Variants in POGZ observed in about 807,000 individuals in gnomAD.
The protein encoded by POGZ is pogo transposable element derived with ZNF domain, also known as pogo transposable element with ZNF domain.
POGZ carries 17 observed loss-of-function variants against 134.6 expected under a neutral mutation model. That is an observed-to-expected ratio of 0.13 (90% CI 0.09 to 0.19). POGZ has a LOEUF of 0.19. POGZ is among the 10% of genes least tolerant of loss of function. The pLI is 1.00. For missense variants in POGZ, 1,306 were observed against 1,769.7 expected (o/e 0.74, Z 4.70); for synonymous variants, 693 against 657.1 (o/e 1.05, Z -0.84).
At position 151,423,520 on chromosome 1, in the gene POGZ, G is replaced by C. The variant is rs1416833861; in HGVS notation, c.1555C>G (p.Leu519Val). ...FMNHMKHHVE[L>V]DQQNGEVDGH... ...TCTACCTCACCGTTCTGCTGATCGA[G>C]TTCTACGTGGTGTTTCATATGGTTC... The change falls in exon 10 of 19, where the codon CTC becomes GTC. Residue 519 changes from leucine (L) to valine (V), a missense_variant. Physicochemically the swap from Leu to Val is conservative, Grantham distance 32 (BLOSUM62 1). Around this residue, in one of 10 missense-constraint regions of POGZ, gnomAD observed 541 missense variants for 680.5 expected, o/e 0.80. Transcript: ENST00000271715. 1 of 1,613,748 alleles carries C rather than the reference G, an allele frequency of 6.2e-7. No homozygotes were observed. Among genetic ancestry groups the C allele is most frequent in the Non-Finnish European group, 8.5e-7 (1 of 1,179,680 alleles).
At chr1:151,407,123 T>G (rs960389755) in intron 16 of POGZ, 100 bp from the exon 17 acceptor site, 4 of 1,205,930 alleles carry the variant, frequency 3.3e-6, no homozygotes, top group East Asian at 4.8e-5. Context: ...CCCTCCCACT[T>G]TCTCCTTTTT....
chr1:151,457,048 G>A (rs1325980301), intron 1 of POGZ, among the ~76,000 whole-genome samples: 1 of 152,164 alleles, frequency 6.6e-6, no homozygotes, highest in Admixed American at 6.5e-5. Flanking sequence ...CTATTATTTT[G>A]AAAATAGTTA....
chr1:151,423,333 A>G (rs989034851), intron 10 of POGZ, 64 bp downstream of exon 10: 7 of 1,337,678 alleles, frequency 5.2e-6, no homozygotes, highest in Admixed American at 5.2e-5. Flanking sequence ...GGCTCCCCCC[A>G]GCGCCATTCA....
intron 10 of POGZ, among the ~76,000 whole-genome samples, chr1:151,413,748 T>C (rs902698872): frequency 6.6e-6 from 1 of 152,126 alleles, no homozygotes; most frequent in Non-Finnish European, 1.5e-5. Context: ...GGCTCAATCA[T>C]GGCTCACTGC....
chr1:151,442,016 G>A (rs913600289), intron 2 of POGZ, 65 bp downstream of exon 2: 13 of 1,256,918 alleles, frequency 1.0e-5, no homozygotes, highest in Admixed American at 9.6e-5. Flanking sequence ...CTCACACTTT[G>A]TTAACCAAAA....
At chr1:151,407,063 A>G in intron 16 of POGZ, 40 bp from the exon 17 acceptor site, 1 of 1,493,044 alleles carries the variant, frequency 6.7e-7, no homozygotes, top group African/African-American at 1.4e-5. Context: ...CAAACACAGC[A>G]GTGACACTTG....
rs199870784 is a variant in POGZ, at chr1:151,441,057, G to A, written c.154C>T (p.Pro52Ser). Residue 52 changes from proline to serine, a missense_variant, in exon 3 of 19, where the codon CCA becomes TCA. Physicochemically the swap from Pro to Ser is moderately conservative, Grantham distance 74 (BLOSUM62 -1). Around this residue, in one of 10 missense-constraint regions of POGZ, gnomAD observed 541 missense variants for 680.5 expected, o/e 0.80. Coordinates refer to ENST00000271715, the MANE Select transcript of POGZ (RefSeq NM_015100.4). ...GAAGCATGGGCAGCGATGGGCACTG[G>A]AGCCGAGACTGGCTGCTGGCTCACA... The part of the protein sequence containing the change: ...VSVSQQPVSA[P>S]VPIAAHASVA... 2 of 1,614,068 alleles carry A rather than the reference G, an allele frequency of 1.2e-6. No homozygotes were observed. The highest frequency in any genetic ancestry group is 2.2e-5 in the East Asian group (1 of 44,880).
chr1:151,436,123 G>C (rs1255829008), intron 3 of POGZ, among the ~76,000 whole-genome samples: 1 of 151,334 alleles, frequency 6.6e-6, no homozygotes, highest in African/African-American at 2.4e-5. Flanking sequence ...TGCCCGGCTA[G>C]TTTTTTATAT....
chr1:151,418,059 C>A (rs1294902708), intron 10 of POGZ, among the ~76,000 whole-genome samples: 2 of 151,644 alleles, frequency 1.3e-5, no homozygotes, highest in Non-Finnish European at 2.9e-5. Context: ...CTAAAAAATA[C>A]AAAAAAATTA....
intron 7 of POGZ, 148 bp from the exon 8 acceptor site, chr1:151,425,209 GT>G: frequency 9.3e-5 from 50 of 537,944 alleles, no homozygotes; most frequent in Non-Finnish European, 1.4e-4. Flanking sequence ...GTTTGTTTTT[GT>G]TTTTTTTGAG....
At position 151,446,269 on chromosome 1, in the gene POGZ, A is replaced by AAC. The variant is rs1553233867; in HGVS notation, c.-1-4065_-1-4064insGT. ...TTCTCATAAGGAAAAAAAAAAAAAA[A>AAC]AAAAACGAATTTTATTCCCTCTTCC... On this transcript the variant is annotated intron_variant, in intron 1 of 18. Coordinates refer to ENST00000271715, the MANE Select transcript of POGZ (RefSeq NM_015100.4). Among the ~76,000 whole-genome samples the AAC allele has an allele frequency of 1.3e-4, 18 of 134,598 alleles. No individual in the cohort carries two copies. The East Asian group carries it at 3.2e-3, about 24-fold the overall frequency. The allele number at this position is 134,598 out of a possible 152,430, so 88.3% of individuals were successfully genotyped here. A position where few individuals can be genotyped will look rare whatever the true frequency, so the allele number is the denominator to read the frequency against.
Position 151,407,288 on chromosome 1 carries a change from A to G in POGZ, c.2379T>C (p.Asn793=). ...ACTTGGGGCTCTTCCGTGGAACATG[A>G]TTGCTGAGAAAGACAAAGAAGTGGT... The part of the protein sequence containing the change: ...SRAYANHMIN[N]HVPRKSPKYL... The change falls in exon 16 of 19, where the codon AAT becomes AAC. Residue 793 remains asparagine, a synonymous_variant. Coordinates refer to ENST00000271715, the MANE Select transcript of POGZ (RefSeq NM_015100.4). 1 of 1,607,210 alleles carries G rather than the reference A, an allele frequency of 6.2e-7. No homozygotes were observed. Among genetic ancestry groups the G allele is most frequent in the Admixed American group, 1.7e-5 (1 of 58,838 alleles).
chr1:151,423,551 T>C lies in POGZ; in HGVS notation c.1524A>G (p.Arg508=). ...HCTKRLKNNI[R]FMNHMKHHVE... ...CGTGGTGTTTCATATGGTTCATGAA[T>C]CTGTAATAAAGCACAAAGAGAAAGT... is the stretch of plus-strand genomic sequence containing the variant. The change falls in exon 10 of 19, where the codon CGA becomes CGG. Residue 508 remains arginine (R), a splice_region_variant and synonymous_variant. Transcript: ENST00000271715. 2 of 1,606,716 alleles carry C rather than the reference T, an allele frequency of 1.2e-6. No individual in the cohort carries two copies. The highest frequency in any genetic ancestry group is 1.7e-6 in the Non-Finnish European group (2 of 1,176,692).
chr1:151,421,294 C>T (rs1264574352), intron 10 of POGZ, among the ~76,000 whole-genome samples: 1 of 151,402 alleles, frequency 6.6e-6, no homozygotes, highest in African/African-American at 2.4e-5. Context: ...ATGTCAATCC[C>T]ACTTCCCTTG....
intron 1 of POGZ, among the ~76,000 whole-genome samples, chr1:151,456,548 T>C (rs1296900552): frequency 1.3e-5 from 2 of 152,234 alleles, no homozygotes; most frequent in African/African-American, 4.8e-5. Flanking sequence ...CACAAATGCT[T>C]TTCCTTCATG....
At chr1:151,406,512 A>G (rs1653666956) in intron 18 of POGZ, 48 bp from the exon 19 acceptor site, 1 of 1,555,848 alleles carries the variant, frequency 6.4e-7, no homozygotes, top group Non-Finnish European at 8.6e-7. Flanking sequence ...CAGTTCAACT[A>G]GGAAATTGAA....
chr1:151,410,828 A>G (rs907104618), intron 12 of POGZ, among the ~76,000 whole-genome samples: 13 of 152,110 alleles, frequency 8.5e-5, no homozygotes, highest in Non-Finnish European at 1.6e-4. Context: ...CATTCACCCA[A>G]CTGCCCAAGA....
chr1:151,416,508 G>C (rs1397758774), intron 10 of POGZ, among the ~76,000 whole-genome samples: 1 of 151,842 alleles, frequency 6.6e-6, no homozygotes, highest in Non-Finnish European at 1.5e-5. Flanking sequence ...TCTCAAAAAA[G>C]ACTAAGAATC....
intron 3 of POGZ, among the ~76,000 whole-genome samples, chr1:151,434,032 G>C (rs1348684947): frequency 1.3e-5 from 2 of 152,138 alleles, no homozygotes; most frequent in African/African-American, 2.4e-5. Context: ...AACAAGGCCA[G>C]GCGTGGTGGC....
Sources: gnomAD v4.1 joint callset for allele counts (sites outside exome capture counted in the v4.1 genomes callset) on GRCh38, gnomAD v4.1.1 for gene constraint, gnomAD v4.1.1 regional missense constraint, MANE v1.5 for transcripts, NCBI Gene and HGNC (gene_info 2026-07-23, HGNC 2026-07-21) for gene names.